The following CFAP92 variants were observed in gnomAD, a reference collection of about 807,000 sequenced individuals.
The protein encoded by CFAP92 is uncharacterized protein CFAP92.
A neutral mutation model predicts 106.3 loss-of-function variants in CFAP92; 86 were observed. The observed-to-expected ratio is 0.81, with a 90% CI of 0.68 to 0.97. The LOEUF is 0.97. Ranked by LOEUF, CFAP92 falls within the 50% of genes least tolerant of loss-of-function variation. The pLI, the probability that CFAP92 is intolerant of heterozygous loss-of-function variation, is 0.00. For synonymous variants in CFAP92, 477 were observed against 506.4 expected (o/e 0.94, Z 0.78); for missense variants, 1,204 against 1,283.8 (o/e 0.94, Z 0.95).
At chr3:128,927,979 G>A (rs1345852089) in intron 12 of CFAP92, among the ~76,000 whole-genome samples, 1 of 152,100 alleles carries the variant, frequency 6.6e-6, no homozygotes, top group Non-Finnish European at 1.5e-5. Context: ...CCCGCCAGGT[G>A]CGGTGGCTCA....
At chr3:129,025,859 C>T in the CFAP92 span, among the ~76,000 whole-genome samples, 2 of 152,242 alleles carry the variant, frequency 1.3e-5, no homozygotes, top group Non-Finnish European at 2.9e-5. Context: ...TGGCTCTGTT[C>T]TCTTCCCAGC....
chr3:129,017,209 C>T, the CFAP92 span, among the ~76,000 whole-genome samples: 17 of 152,330 alleles, frequency 1.1e-4, no homozygotes, highest in Admixed American at 9.1e-4. Flanking sequence ...ATTGAGGCTT[C>T]GTGAAGGCGG....
chr3:128,953,376 G>A (rs1349752255), intron 9 of CFAP92, among the ~76,000 whole-genome samples: 3 of 151,998 alleles, frequency 2.0e-5, no homozygotes, highest in African/African-American at 2.4e-5. Context: ...TTAGCCGGGC[G>A]TGGTGGTGGG....
intron 5 of CFAP92, 23 bp downstream of exon 5, chr3:128,978,022 C>T: frequency 6.2e-7 from 1 of 1,613,410 alleles, no homozygotes; most frequent in Non-Finnish European, 8.5e-7. Context: ...CTCAGCTTGT[C>T]CACAAAGGCC....
chr3:129,015,358 GC>G, the CFAP92 span, among the ~76,000 whole-genome samples: 2 of 152,222 alleles, frequency 1.3e-5, no homozygotes, highest in East Asian at 1.9e-4. Context: ...GTCTTTCACG[GC>G]CCCTGGACTT....
chr3:128,912,645 C>G (rs774900931), intron 15 of CFAP92: 3 of 1,532,432 alleles, frequency 2.0e-6, no homozygotes, highest in African/African-American at 2.7e-5. Flanking sequence ...CCCGCCCCTA[C>G]CCATGGCCCG....
intron 11 of CFAP92, among the ~76,000 whole-genome samples, chr3:128,934,085 GC>G (rs1938708044): frequency 6.6e-6 from 1 of 152,124 alleles, no homozygotes; most frequent in African/African-American, 2.4e-5. Context: ...GAAAGAAGCA[GC>G]CCCCTCCTCC....
intron 4 of CFAP92, among the ~76,000 whole-genome samples, chr3:128,982,603 T>G (rs1003577781): frequency 6.6e-6 from 1 of 152,222 alleles, no homozygotes; most frequent in Non-Finnish European, 1.5e-5. Flanking sequence ...AGGCCTAGCT[T>G]TCATCCTATC....
intron 15 of CFAP92, chr3:128,913,102 CTG>C (rs1190173240): frequency 1.8e-5 from 8 of 450,934 alleles, no homozygotes. Flanking sequence ...ATGTCACAAT[CTG>C]TGTACTGTTA....
At chr3:128,983,382 A>C (rs1943648736) in intron 4 of CFAP92, among the ~76,000 whole-genome samples, 1 of 152,174 alleles carries the variant, frequency 6.6e-6, no homozygotes, top group African/African-American at 2.4e-5. Context: ...GGGCAGTAAC[A>C]TTCCCCATCT....
rs765494366 is a variant in CFAP92, at chr3:128,978,033, T to C, written c.808+12A>G. On this transcript the variant is annotated intron_variant, in intron 5 of 15. Transcript: ENST00000645291. ...TGCACTCAGCTTGTCCACAAAGGCCTTCTCCGCTCACCTTGCAAAGACTTT... is the reference window on the plus strand; with the variant it reads ...TGCACTCAGCTTGTCCACAAAGGCCCTCTCCGCTCACCTTGCAAAGACTTT... 6 of 1,613,716 alleles carry C rather than the reference T, an allele frequency of 3.7e-6. No individual in the cohort carries two copies. Among genetic ancestry groups the C allele is most frequent in the Non-Finnish European group, 5.1e-6 (6 of 1,179,804 alleles).
At chr3:128,976,095 ACT>A (rs1365432144) in intron 6 of CFAP92, among the ~76,000 whole-genome samples, 192 bp from the exon 7 acceptor site, 3 of 152,034 alleles carry the variant, frequency 2.0e-5, no homozygotes, top group Non-Finnish European at 2.9e-5. Context: ...TAAAATGTAG[ACT>A]CTGGTTCAGT....
chr3:129,009,500 A>G, the CFAP92 span, among the ~76,000 whole-genome samples: 1 of 152,208 alleles, frequency 6.6e-6, no homozygotes, highest in Admixed American at 6.5e-5. Flanking sequence ...CATTCAGCCA[A>G]CTTGGAAACA....
At chr3:128,964,540 T>C (rs1370853492) in intron 9 of CFAP92, among the ~76,000 whole-genome samples, 1 of 152,192 alleles carries the variant, frequency 6.6e-6, no homozygotes, top group East Asian at 1.9e-4. Flanking sequence ...AAACTGCCAC[T>C]CTAAACTCTT....
intron 4 of CFAP92, among the ~76,000 whole-genome samples, chr3:128,987,349 C>T (rs76562155): frequency 1.3e-5 from 2 of 151,640 alleles, no homozygotes; most frequent in East Asian, 1.9e-4. Flanking sequence ...TAGTCCAGAC[C>T]GGTGATGGGT....
chr3:128,915,004 A>G (rs1936686963), intron 15 of CFAP92, 115 bp downstream of exon 15: 4 of 1,023,848 alleles, frequency 3.9e-6, no homozygotes, highest in Non-Finnish European at 5.5e-6. Flanking sequence ...CTTAGCATAG[A>G]AAGTTTGGTT....
chr3:128,975,282 A>G (rs948364057), intron 7 of CFAP92, among the ~76,000 whole-genome samples: 1 of 152,194 alleles, frequency 6.6e-6, no homozygotes, highest in Non-Finnish European at 1.5e-5. Context: ...GAAAGTCTCC[A>G]TTAGATATTA....
intron 9 of CFAP92, among the ~76,000 whole-genome samples, chr3:128,962,979 C>A (rs112212474): frequency 0.21 from 32,014 of 151,870 alleles, 3,673 homozygotes; most frequent in Middle Eastern, 0.27. Context: ...TTCCTTTGCA[C>A]CCGTCATCCC....
At chr3:128,916,316 AC>A in intron 12 of CFAP92, 45 bp from the exon 13 acceptor site, 3 of 1,200,678 alleles carry the variant, frequency 2.5e-6, no homozygotes, top group Non-Finnish European at 3.1e-6. Context: ...GGTCATCCTC[AC>A]CCCCCATGCC....
Sources: allele counts gnomAD v4.1 joint callset (sites outside exome capture counted in the v4.1 genomes callset), GRCh38; gene constraint gnomAD v4.1.1; transcripts MANE v1.5; gene names NCBI Gene and HGNC (gene_info 2026-07-23, HGNC 2026-07-21).